The following FAR2 variants were observed in gnomAD, a reference collection of about 807,000 sequenced individuals.
FAR2 encodes the protein epididymis secretory protein Li 81.
Under a neutral mutation model 56.0 loss-of-function variants are expected in FAR2, and 19 were observed. The observed-to-expected ratio is 0.34, with a 90% CI of 0.24 to 0.50. The LOEUF (loss-of-function observed/expected upper bound fraction) is 0.50. FAR2 is among the 20% of genes least tolerant of loss of function. The pLI, the probability that FAR2 is intolerant of heterozygous loss-of-function variation, is 0.98. For missense variants in FAR2, 508 were observed against 642.2 expected (o/e 0.79, Z 2.26); for synonymous variants, 219 against 218.8 (o/e 1.00, Z -0.01).
rs1011136407 is a variant in FAR2, at chr12:29,233,237, C to T, written c.-38-37175C>T. On this transcript the variant is annotated intron_variant, in intron 1 of 11. Coordinates refer to ENST00000536681, the MANE Select transcript of FAR2 (RefSeq NM_001271783.2). ...AGGACTCCAATGTCCAGCTTCTCTG[C>T]ACCTGATTATGCACACCAGGCACAG... is the stretch of plus-strand genomic sequence containing the variant. 4.7e-4 allele frequency among the ~76,000 whole-genome samples: 72 copies of T among 152,184 alleles called. 1 individual carries two copies. Among genetic ancestry groups the T allele is most frequent in the African/African-American group, 1.6e-3 (66 of 41,446 alleles).
chr12:29,303,995 T>C (rs1007871880), intron 4 of FAR2, among the ~76,000 whole-genome samples: 1 of 152,188 alleles, frequency 6.6e-6, no homozygotes, highest in African/African-American at 2.4e-5. Flanking sequence ...CAGAGGCCAA[T>C]TCTCCATAAG....
At chr12:29,330,364 G>C (rs552009049) in intron 10 of FAR2, among the ~76,000 whole-genome samples, 1 of 152,208 alleles carries the variant, frequency 6.6e-6, no homozygotes, top group Admixed American at 6.5e-5. Flanking sequence ...GCCCATTTAT[G>C]ATTTTTAAAA....
chr12:29,269,912 G>A (rs1273199476), intron 1 of FAR2, among the ~76,000 whole-genome samples: 4 of 152,124 alleles, frequency 2.6e-5, no homozygotes, highest in African/African-American at 9.7e-5. Context: ...CTGTAACACT[G>A]CATCCCTTTA....
chr12:29,211,416 A>G lies in FAR2; in HGVS notation c.-38-58996A>G, dbSNP rs77318933. 4.1e-3 allele frequency among the ~76,000 whole-genome samples: 620 copies of G among 152,352 alleles called. 14 individuals carry two copies. The highest frequency in any genetic ancestry group is 0.032 in the Admixed American group (492 of 15,296). On this transcript the variant is annotated intron_variant, in intron 1 of 11. Coordinates refer to ENST00000536681, the MANE Select transcript of FAR2 (RefSeq NM_001271783.2). ...AGAGTGCTTTACATTTATGAAATGC[A>G]TATACATTATTATATTTGACCGATC...
intron 2 of FAR2, among the ~76,000 whole-genome samples, chr12:29,289,011 A>G (rs1473114520): frequency 2.0e-5 from 3 of 152,276 alleles, no homozygotes; most frequent in Middle Eastern, 3.4e-3. Context: ...AATGAAAACT[A>G]TAAAACACTG....
chr12:29,291,526 T>C, intron 2 of FAR2: 1 of 445,836 alleles, frequency 2.2e-6, no homozygotes, highest in Non-Finnish European at 4.5e-6. Flanking sequence ...GGAGAAATTC[T>C]CATCATTTGC....
At chr12:29,248,930 G>A (rs1948168719) in intron 1 of FAR2, among the ~76,000 whole-genome samples, 1 of 152,202 alleles carries the variant, frequency 6.6e-6, no homozygotes. Flanking sequence ...GAGTTTAAGG[G>A]TATCTCTGCT....
intron 1 of FAR2, among the ~76,000 whole-genome samples, chr12:29,254,677 C>G (rs960321414): frequency 2.0e-5 from 3 of 152,110 alleles, no homozygotes; most frequent in Non-Finnish European, 2.9e-5. Context: ...CCAGGCTGGC[C>G]ATGGTAGCTC....
chr12:29,199,219 A>G (rs966883809), intron 1 of FAR2, among the ~76,000 whole-genome samples: 3 of 152,222 alleles, frequency 2.0e-5, no homozygotes, highest in Non-Finnish European at 4.4e-5. Context: ...CACAATCAGG[A>G]ATTCAAATTT....
At chr12:29,200,493 C>T (rs370141597) in intron 1 of FAR2, among the ~76,000 whole-genome samples, 6 of 152,176 alleles carry the variant, frequency 3.9e-5, no homozygotes, top group Non-Finnish European at 8.8e-5. Flanking sequence ...TTGGGATGCT[C>T]TCTCTCTCCT....
At chr12:29,201,122 C>T (rs1163159844) in intron 1 of FAR2, among the ~76,000 whole-genome samples, 2 of 152,086 alleles carry the variant, frequency 1.3e-5, no homozygotes, top group East Asian at 1.9e-4. Flanking sequence ...TCTTCCTTTC[C>T]GTCTTCCTTT....
rs112424804 is a variant in FAR2, at chr12:29,213,356, C to A, written c.-38-57056C>A. On this transcript the variant is annotated intron_variant, in intron 1 of 11. Transcript: ENST00000536681. ...TACAAAATGAGGGCACATATGAGCA[C>A]TGAATCATAAAGGCCCCTGCCATAT... Among the ~76,000 whole-genome samples, 517 of 152,222 alleles carry A rather than the reference C, an allele frequency of 3.4e-3. 1 individual carries two copies. The highest frequency in any genetic ancestry group is 0.012 in the African/African-American group (492 of 41,540).
chr12:29,196,962 A>G (rs1950149230), intron 1 of FAR2, among the ~76,000 whole-genome samples: 1 of 152,204 alleles, frequency 6.6e-6, no homozygotes, highest in African/African-American at 2.4e-5. Flanking sequence ...ATTTTTAAAT[A>G]TGCTTATAAG....
chr12:29,158,533 A>G (rs1225699577), intron 1 of FAR2, among the ~76,000 whole-genome samples: 6 of 152,306 alleles, frequency 3.9e-5, no homozygotes, highest in Admixed American at 3.9e-4. Flanking sequence ...TCCTTCTGCT[A>G]TTTTGGTGCA....
At chr12:29,298,923 G>T (rs1949114031) in intron 4 of FAR2, among the ~76,000 whole-genome samples, 1 of 152,062 alleles carries the variant, frequency 6.6e-6, no homozygotes, top group African/African-American at 2.4e-5. Flanking sequence ...TCAGAGAAAA[G>T]AAGTAAGAGG....
chr12:29,307,380 T>TCTA (rs1949268297), intron 4 of FAR2, among the ~76,000 whole-genome samples: 1 of 148,156 alleles, frequency 6.7e-6, no homozygotes, highest in Admixed American at 6.8e-5. Context: ...TGCTATTGAT[T>TCTA]CTATCGGTCT....
At chr12:29,251,378 T>G (rs1212884081) in intron 1 of FAR2, among the ~76,000 whole-genome samples, 1 of 152,044 alleles carries the variant, frequency 6.6e-6, no homozygotes, top group Non-Finnish European at 1.5e-5. Context: ...AGGGAGACTG[T>G]GAGTTGGGAA....
At chr12:29,185,861 C>T (rs925831493) in intron 1 of FAR2, among the ~76,000 whole-genome samples, 5 of 152,090 alleles carry the variant, frequency 3.3e-5, no homozygotes, top group African/African-American at 1.2e-4. Context: ...TATCCTGCCC[C>T]CATCCTACGC....
rs192570105 is a variant in FAR2 at position 29,196,254 on chromosome 12, A to G, written c.-39+46847A>G. 2.6e-5 allele frequency among the ~76,000 whole-genome samples: 4 copies of G among 152,198 alleles called. No homozygotes were observed. The East Asian group carries it at 7.7e-4, about 29-fold the overall frequency. On this transcript the variant is annotated intron_variant, in intron 1 of 11. Transcript: ENST00000536681. Reference sequence around the variant, plus strand: ...GGATTTCTATGTTTAGTTATTTGAGAAATCTGCCTACTGTTTTCCATAGAG... The same window carrying G: ...GGATTTCTATGTTTAGTTATTTGAGGAATCTGCCTACTGTTTTCCATAGAG...
Sources: allele counts gnomAD v4.1 joint callset (sites outside exome capture counted in the v4.1 genomes callset), GRCh38; gene constraint gnomAD v4.1.1; transcripts MANE v1.5; gene names NCBI Gene and HGNC (gene_info 2026-07-23, HGNC 2026-07-21).